BCL2L11: variants seen among roughly 807,000 people sequenced by gnomAD.
BCL2L11 encodes the protein bcl-2-like protein 11.
A neutral mutation model predicts 20.6 loss-of-function variants in BCL2L11; 15 were observed. That is an observed-to-expected ratio of 0.73 (90% CI 0.49 to 1.12). The LOEUF (loss-of-function observed/expected upper bound fraction) is 1.12, where lower values mean the gene tolerates loss of function less well. BCL2L11 is among the 50% of genes most tolerant of loss of function. BCL2L11 has a pLI of 0.00. For synonymous variants in BCL2L11, 108 were observed against 92.8 expected (o/e 1.16, Z -0.94); for missense variants, 292 against 260.9 (o/e 1.12, Z -0.82).
At position 111,167,213 on chromosome 2, in the gene BCL2L11, C is replaced by T. The variant is rs1344814397; in HGVS notation, c.*2982C>T. Reference sequence around the variant, plus strand: ...AGAGTTGTCGGGGGTGACTGGAGAGCTCATTGCAGACCACGTGGTCCTCCA... The same window carrying T: ...AGAGTTGTCGGGGGTGACTGGAGAGTTCATTGCAGACCACGTGGTCCTCCA... On this transcript the variant is annotated 3_prime_UTR_variant, in exon 4 of 4. Transcript: ENST00000393256. 6.6e-6 allele frequency: 1 copy of T among 152,338 alleles called. No homozygotes were observed. The highest frequency in any genetic ancestry group is 6.5e-5 in the Admixed American group (1 of 15,280). The allele number at this position is 152,338 out of a possible 1,614,324, so 9.4% of individuals were successfully genotyped here.
At chr2:111,163,603 T>G (rs1302967236) in intron 3 of BCL2L11, among the ~76,000 whole-genome samples, 1 of 152,128 alleles carries the variant, frequency 6.6e-6, no homozygotes, top group Non-Finnish European at 1.5e-5. Flanking sequence ...ACATTGCCTG[T>G]GTCTGTGACC....
chr2:111,127,155 G>A (rs549565434), intron 2 of BCL2L11, among the ~76,000 whole-genome samples: 21 of 152,216 alleles, frequency 1.4e-4, no homozygotes, highest in Non-Finnish European at 2.5e-4. Context: ...ATACCTTAGT[G>A]AATAACTGAT....
intron 2 of BCL2L11, chr2:111,128,600 A>G: frequency 1.3e-6 from 2 of 1,481,522 alleles, no homozygotes; most frequent in Non-Finnish European, 1.8e-6. Context: ...ATACTTACCA[A>G]CACTTTTTTT....
intron 2 of BCL2L11, among the ~76,000 whole-genome samples, chr2:111,147,838 T>A (rs2076764491): frequency 6.6e-6 from 1 of 152,212 alleles, no homozygotes; most frequent in African/African-American, 2.4e-5. Flanking sequence ...AAAATATGTC[T>A]CCTTGTCCCA....
At chr2:111,130,252 G>T (rs1413344242) in intron 2 of BCL2L11, 3 of 281,262 alleles carry the variant, frequency 1.1e-5, no homozygotes, top group South Asian at 7.9e-5. Context: ...TTACAGGCAC[G>T]TACCACCACA....
intron 2 of BCL2L11, among the ~76,000 whole-genome samples, chr2:111,134,905 G>A (rs2074592207): frequency 6.6e-6 from 1 of 152,208 alleles, no homozygotes; most frequent in Non-Finnish European, 1.5e-5. Context: ...ACTAAGTTAT[G>A]TGTCATTCCT....
intron 1 of BCL2L11, chr2:111,122,600 G>C (rs1444402740): frequency 1.0e-6 from 1 of 984,506 alleles, no homozygotes; most frequent in Non-Finnish European, 1.2e-6. Flanking sequence ...GGAGGTCGGC[G>C]GTGCCGGCGG....
intron 2 of BCL2L11, among the ~76,000 whole-genome samples, chr2:111,129,063 G>C (rs2073325518): frequency 6.6e-6 from 1 of 152,228 alleles, no homozygotes; most frequent in South Asian, 2.1e-4. Flanking sequence ...TAGGAGAATG[G>C]AAGTGATTAG....
rs1333510760 is a variant in BCL2L11 at position 111,166,145 on chromosome 2, G to A, written c.*1914G>A. 6.6e-6 allele frequency: 1 copy of A among 152,654 alleles called. No homozygotes were observed. Among genetic ancestry groups the A allele is most frequent in the African/African-American group, 2.4e-5 (1 of 41,456 alleles). 9.5% of individuals were successfully genotyped at this position (152,654 alleles called of 1,614,324 possible). On this transcript the variant is annotated 3_prime_UTR_variant, in exon 4 of 4. Coordinates refer to ENST00000393256, the MANE Select transcript of BCL2L11 (RefSeq NM_138621.5). ...TAGGATTGCAGCCGTGGGCCTGCTG[G>A]ACACACACATACACCAAAGATGTAT...
intron 2 of BCL2L11, among the ~76,000 whole-genome samples, chr2:111,141,112 A>G (rs535403298): frequency 2.0e-5 from 3 of 152,312 alleles, no homozygotes; most frequent in Non-Finnish European, 2.9e-5. Context: ...GCCTGCCTGG[A>G]AATCTCAGTG....
rs757977494 is a variant in BCL2L11 at position 111,124,129 on chromosome 2, C to T, written c.384C>T (p.Leu128=). ...SPPCQAFNHY[L]SAMASMRQAE... ...CTTGCCAGGCCTTCAACCACTATCT[C>T]AGTGCAATGGGTAAGCAATGCCTGG... is the stretch of plus-strand genomic sequence containing the variant. The change falls in exon 2 of 4, where the codon CTC becomes CTT. Residue 128 remains leucine (L), a synonymous_variant. Coordinates refer to ENST00000393256, the MANE Select transcript of BCL2L11 (RefSeq NM_138621.5). The T allele has an allele frequency of 2.5e-6, 4 of 1,609,722 alleles. No individual in the cohort carries two copies. Among genetic ancestry groups the T allele is most frequent in the Admixed American group, 1.7e-5 (1 of 59,788 alleles).
intron 1 of BCL2L11, 188 bp from the exon 2 acceptor site, chr2:111,123,545 A>T (rs763385084): frequency 2.1e-5 from 21 of 983,116 alleles, no homozygotes; most frequent in Admixed American, 6.1e-5. Flanking sequence ...GGTACCCTCT[A>T]CCAAAAAAAA....
At chr2:111,122,612 G>T (rs1288242634) in intron 1 of BCL2L11, 1 of 984,540 alleles carries the variant, frequency 1.0e-6, no homozygotes, top group Non-Finnish European at 1.2e-6. Flanking sequence ...TGCCGGCGGC[G>T]GCGGGCGCAG....
At chr2:111,139,718 G>A (rs1292316734) in intron 2 of BCL2L11, among the ~76,000 whole-genome samples, 2 of 152,224 alleles carry the variant, frequency 1.3e-5, no homozygotes, top group African/African-American at 2.4e-5. Flanking sequence ...GGTTTAACCC[G>A]TTTGTAAGAG....
At chr2:111,154,497 A>C (rs1404642610) in intron 3 of BCL2L11, among the ~76,000 whole-genome samples, 1 of 152,182 alleles carries the variant, frequency 6.6e-6, no homozygotes. Context: ...GACATTTTTG[A>C]AGGATCAGGG....
chr2:111,123,876 C>G lies in BCL2L11; in HGVS notation c.131C>G (p.Pro44Arg). ...TSLQTEPQGN[P>R]EGNHGGEGDS... ...CTACAGACAGAGCCACAAGGTAATC[C>G]TGAAGGCAATCACGGAGGTGAAGGG... is the stretch of plus-strand genomic sequence containing the variant. Residue 44 changes from proline to arginine, a missense_variant, in exon 2 of 4, where the codon CCT (proline) becomes CGT (arginine). By Grantham distance (103) the Pro-to-Arg change is moderately radical. Transcript: ENST00000393256. 5 of 1,606,696 alleles carry G rather than the reference C, an allele frequency of 3.1e-6. No homozygotes were observed. Among genetic ancestry groups the G allele is most frequent in the Non-Finnish European group, 3.4e-6 (4 of 1,176,448 alleles).
In BCL2L11 at chr2:111,124,003, C is replaced by T. The variant is rs1005167382; in HGVS notation, c.258C>T (p.Ser86=). The T allele has an allele frequency of 3.1e-6, 5 of 1,614,236 alleles. No individual in the cohort carries two copies. The highest frequency in any genetic ancestry group is 1.1e-5 in the South Asian group (1 of 91,088). The change falls in exon 2 of 4, where the codon TCC becomes TCT. Residue 86 remains serine, a synonymous_variant. Transcript: ENST00000393256. ...CGCTTTTCATCTTTATGAGAAGATC[C>T]TCCCTGCTGTCTCGATCCTCCAGTG... ...RSPLFIFMRR[S]SLLSRSSSGY... is the part of the protein sequence containing the mutation.
chr2:111,149,185 C>A (rs1877330), intron 2 of BCL2L11, among the ~76,000 whole-genome samples: 11,697 of 152,174 alleles, frequency 0.077, 560 homozygotes, highest in East Asian at 0.26. Flanking sequence ...TATAATCTTC[C>A]TAATGCATAA....
At chr2:111,132,428 A>T (rs1254999171) in intron 2 of BCL2L11, among the ~76,000 whole-genome samples, 2 of 152,222 alleles carry the variant, frequency 1.3e-5, no homozygotes. Context: ...AATAATGGTT[A>T]GGGCTAGAAT....
Sources: gnomAD v4.1 joint callset for allele counts (sites outside exome capture counted in the v4.1 genomes callset) on GRCh38, gnomAD v4.1.1 for gene constraint, MANE v1.5 for transcripts, NCBI Gene and HGNC (gene_info 2026-07-23, HGNC 2026-07-21) for gene names.